MSRA: variants seen among roughly 807,000 people sequenced by gnomAD.
The protein encoded by MSRA is mitochondrial peptide methionine sulfoxide reductase.
A neutral mutation model predicts 31.3 loss-of-function variants in MSRA; 54 were observed. The observed-to-expected ratio is 1.73, with a 90% CI of 1.39 to 2.17. The LOEUF is 2.17. Ranked by LOEUF, MSRA falls within the 30% of genes most tolerant of loss-of-function variation. The probability of loss-of-function intolerance (pLI) is 0.00; values close to 1 mark genes in which losing one functional copy is unlikely to be tolerated. For missense variants in MSRA, 507 were observed against 300.9 expected, an observed-to-expected ratio of 1.69 and a Z score of -5.07; for synonymous variants, 169 against 116.5, an observed-to-expected ratio of 1.45 and a Z score of -2.90.
Position 10,089,850 on chromosome 8 carries a change from C to T in MSRA, c.142+35192C>T, listed in dbSNP as rs559213415. 2.2e-4 allele frequency among the ~76,000 whole-genome samples: 33 copies of T among 152,282 alleles called. No individual in the cohort carries two copies. The South Asian group carries it at 5.4e-3, about 25-fold the overall frequency. On this transcript the variant is annotated intron_variant, in intron 1 of 5. Transcript: ENST00000317173. ...GAATCTATTCCTTTAGAAACAGTCC[C>T]GTTTCATGAGAGTGAGAGCTCACTT...
At chr8:10,404,134 A>G (rs546616388) in intron 5 of MSRA, among the ~76,000 whole-genome samples, 18 of 152,242 alleles carry the variant, frequency 1.2e-4, no homozygotes, top group African/African-American at 4.1e-4. Context: ...TGCCCTCCGC[A>G]TGTCACAATG....
chr8:10,405,005 G>A (rs915515435), intron 5 of MSRA, among the ~76,000 whole-genome samples: 1 of 152,188 alleles, frequency 6.6e-6, no homozygotes, highest in African/African-American at 2.4e-5. Context: ...CAGATGTGGG[G>A]CCTGGGCCAC....
At chr8:10,243,591 T>C (rs925205119) in intron 2 of MSRA, among the ~76,000 whole-genome samples, 2 of 152,192 alleles carry the variant, frequency 1.3e-5, no homozygotes, top group Non-Finnish European at 2.9e-5. Context: ...TGCTTTTCTT[T>C]AAAAATGTAA....
intron 5 of MSRA, among the ~76,000 whole-genome samples, chr8:10,371,313 C>T (rs1805461396): frequency 6.6e-6 from 1 of 152,058 alleles, no homozygotes. Context: ...GGAGAAGTTG[C>T]TTCCTGAGCG....
intron 2 of MSRA, among the ~76,000 whole-genome samples, chr8:10,236,132 A>C (rs2975727): frequency 6.6e-6 from 1 of 152,198 alleles, no homozygotes; most frequent in Non-Finnish European, 1.5e-5. Context: ...TCTCAACCTG[A>C]TAAAGGATAT....
chr8:10,384,562 A>G (rs1457153869), intron 5 of MSRA, among the ~76,000 whole-genome samples: 1 of 152,186 alleles, frequency 6.6e-6, no homozygotes, highest in Non-Finnish European at 1.5e-5. Flanking sequence ...TCTTTCACCC[A>G]CATTCTGACA....
At chr8:10,241,914 G>A (rs1242036335) in intron 2 of MSRA, among the ~76,000 whole-genome samples, 5 of 152,190 alleles carry the variant, frequency 3.3e-5, no homozygotes, top group Non-Finnish European at 5.9e-5. Flanking sequence ...AACAGGTCAA[G>A]TAGACTGTGA....
At chr8:10,113,287 G>GTTTTTTTTTT (rs1412167930) in intron 1 of MSRA, among the ~76,000 whole-genome samples, 34 of 6,236 alleles carry the variant, frequency 5.5e-3, no homozygotes, top group East Asian at 0.027. Flanking sequence ...GTGAAGACAG[G>GTTTTTTTTTT]TCTTCTTTTT....
chr8:10,076,028 T>C (rs1797980741), intron 1 of MSRA, among the ~76,000 whole-genome samples: 1 of 152,232 alleles, frequency 6.6e-6, no homozygotes, highest in African/African-American at 2.4e-5. Flanking sequence ...GCATGTTGGC[T>C]TGGTGGAAAG....
At chr8:10,296,285 T>G (rs1486356087) in intron 3 of MSRA, among the ~76,000 whole-genome samples, 1 of 152,206 alleles carries the variant, frequency 6.6e-6, no homozygotes, top group African/African-American at 2.4e-5. Context: ...TTAAATCTTG[T>G]GTTTTCTCCT....
intron 3 of MSRA, among the ~76,000 whole-genome samples, chr8:10,271,800 C>T (rs1340549583): frequency 2.0e-5 from 3 of 151,292 alleles, no homozygotes; most frequent in African/African-American, 7.3e-5. Context: ...CTCACCGCAA[C>T]CTCGGCCTCC....
intron 2 of MSRA, among the ~76,000 whole-genome samples, chr8:10,228,367 A>ATT (rs1563243910): frequency 2.0e-5 from 3 of 152,126 alleles, no homozygotes; most frequent in Non-Finnish European, 4.4e-5. Context: ...CCCTGACTCT[A>ATT]CGTGTACTTT....
intron 3 of MSRA, among the ~76,000 whole-genome samples, chr8:10,261,743 G>A (rs6988687): frequency 0.012 from 1,797 of 152,086 alleles, 36 homozygotes; most frequent in African/African-American, 0.04. Flanking sequence ...GTTTACATTC[G>A]GGTTCCCTTT....
chr8:10,214,380 A>G (rs1809795065), intron 2 of MSRA, among the ~76,000 whole-genome samples: 1 of 152,110 alleles, frequency 6.6e-6, no homozygotes, highest in Non-Finnish European at 1.5e-5. Context: ...TCTGACATGA[A>G]TGGGAGGTGA....
intron 4 of MSRA, among the ~76,000 whole-genome samples, chr8:10,316,826 G>A (rs1367463131): frequency 6.6e-6 from 1 of 152,144 alleles, no homozygotes; most frequent in Non-Finnish European, 1.5e-5. Context: ...GAAGGATAGA[G>A]GCTCATCCAC....
intron 5 of MSRA, among the ~76,000 whole-genome samples, chr8:10,355,047 T>A (rs966024265): frequency 2.6e-5 from 4 of 152,190 alleles, no homozygotes; most frequent in African/African-American, 7.2e-5. Flanking sequence ...GTCAGTAGCA[T>A]AATGTATTTT....
At chr8:10,215,871 A>G (rs528311703) in intron 2 of MSRA, among the ~76,000 whole-genome samples, 6 of 152,360 alleles carry the variant, frequency 3.9e-5, no homozygotes, top group Non-Finnish European at 8.8e-5. Flanking sequence ...ACAACGAGAA[A>G]GATTTATTTT....
chr8:10,414,563 T>A (rs900668534), intron 5 of MSRA, among the ~76,000 whole-genome samples: 2 of 152,234 alleles, frequency 1.3e-5, no homozygotes, highest in Admixed American at 6.5e-5. Context: ...TTCTTTCTAG[T>A]GGCTCTGAAT....
intron 5 of MSRA, among the ~76,000 whole-genome samples, chr8:10,369,898 T>C (rs898596626): frequency 3.9e-5 from 6 of 152,230 alleles, no homozygotes; most frequent in Non-Finnish European, 5.9e-5. Flanking sequence ...CAATCATTCA[T>C]TCATTCTCCT....
Sources: allele counts gnomAD v4.1 joint callset (sites outside exome capture counted in the v4.1 genomes callset), GRCh38; gene constraint gnomAD v4.1.1; transcripts MANE v1.5; gene names NCBI Gene and HGNC (gene_info 2026-07-23, HGNC 2026-07-21).